ANTXR1: variants seen among roughly 807,000 people sequenced by gnomAD.
ANTXR1 encodes anthrax toxin receptor 1.
A neutral mutation model predicts 78.1 loss-of-function variants in ANTXR1; 19 were observed. The ratio of observed to expected loss-of-function variants is 0.24; its 90% CI spans 0.17 to 0.36. The LOEUF (loss-of-function observed/expected upper bound fraction) is 0.36, where lower values mean the gene tolerates loss of function less well. Ranked by LOEUF, ANTXR1 falls within the 10% of genes least tolerant of loss-of-function variation. ANTXR1 has a pLI of 1.00. For synonymous variants in ANTXR1, 273 were observed against 260.5 expected (o/e 1.05, Z -0.46); for missense variants, 518 against 718.6 (o/e 0.72, Z 3.19).
intron 10 of ANTXR1, 67 bp downstream of exon 10, chr2:69,103,007 G>C: frequency 6.8e-7 from 1 of 1,471,696 alleles, no homozygotes; most frequent in African/African-American, 1.4e-5. Flanking sequence ...TCCCACCCTT[G>C]TCTTCCAGCA....
In ANTXR1 at chr2:69,013,264, G is replaced by T; in HGVS notation, c.-236G>T. ...ACCGAGGCAGCCCTCCCCTTTAAAA[G>T]AAGCGGAGGACAGGATTGGGATCCT... On this transcript the variant is annotated 5_prime_UTR_variant, in exon 1 of 18. Coordinates refer to ENST00000303714, the MANE Select transcript of ANTXR1 (RefSeq NM_032208.3). The surrounding 1 kb of genome is among the most constrained non-coding windows in gnomAD (Gnocchi z 5.0). 1.6e-6 allele frequency: 1 copy of T among 633,974 alleles called. No individual in the cohort carries two copies. Among genetic ancestry groups the T allele is most frequent in the Non-Finnish European group, 2.7e-6 (1 of 367,160 alleles). 39.3% of individuals were successfully genotyped at this position (633,974 alleles called of 1,614,324 possible).
At chr2:69,195,695 A>G (rs1341029322) in intron 17 of ANTXR1, among the ~76,000 whole-genome samples, 1 of 152,208 alleles carries the variant, frequency 6.6e-6, no homozygotes. Flanking sequence ...TGGTCTTATA[A>G]AGTATACATT....
chr2:69,013,766 C>G lies in ANTXR1; in HGVS notation c.152+115C>G. ...GGACAGGAGCGCATCTCCAGGGCCA[C>G]AGAGGGACCGCGCGGCAGGCGGCGG... On this transcript the variant is annotated intron_variant, in intron 1 of 17. Coordinates refer to ENST00000303714, the MANE Select transcript of ANTXR1 (RefSeq NM_032208.3). This position sits in a 1 kb window ranked among gnomAD's most constrained non-coding sequence, Gnocchi z 5.0. The G allele has an allele frequency of 6.6e-7, 1 of 1,506,708 alleles. No homozygotes were observed. The highest frequency in any genetic ancestry group is 1.2e-5 in the South Asian group (1 of 82,666). The allele number at this position is 1,506,708 out of a possible 1,614,324, so 93.3% of individuals were successfully genotyped here.
chr2:69,056,575 G>C (rs1670073356), intron 3 of ANTXR1, among the ~76,000 whole-genome samples: 1 of 152,130 alleles, frequency 6.6e-6, no homozygotes, highest in Admixed American at 6.5e-5. Flanking sequence ...TTCCTCACCA[G>C]AGATAATTAT....
At chr2:69,051,557 T>C (rs1394840561) in intron 3 of ANTXR1, among the ~76,000 whole-genome samples, 2 of 152,086 alleles carry the variant, frequency 1.3e-5, no homozygotes, top group Admixed American at 6.5e-5. Flanking sequence ...ATTTCTATTT[T>C]TTAGTTTATT....
At chr2:69,029,895 T>C (rs934249544) in intron 1 of ANTXR1, among the ~76,000 whole-genome samples, 2 of 152,032 alleles carry the variant, frequency 1.3e-5, no homozygotes, top group Non-Finnish European at 2.9e-5. Context: ...TGTAGCAAAA[T>C]ATAAAACTGA....
intron 1 of ANTXR1, among the ~76,000 whole-genome samples, chr2:69,038,069 G>A (rs1669497725): frequency 6.6e-6 from 1 of 151,926 alleles, no homozygotes; most frequent in Non-Finnish European, 1.5e-5. Context: ...TTCAAGAATG[G>A]GATTAAAAAC....
chr2:69,087,026 T>G (rs1162394026), intron 8 of ANTXR1, among the ~76,000 whole-genome samples: 2 of 152,262 alleles, frequency 1.3e-5, no homozygotes, highest in African/African-American at 4.8e-5. Context: ...ATGACTGTTA[T>G]TTTATTTAAC....
chr2:69,067,139 C>T (rs1670422420), intron 3 of ANTXR1, among the ~76,000 whole-genome samples: 1 of 152,018 alleles, frequency 6.6e-6, no homozygotes, highest in Non-Finnish European at 1.5e-5. Context: ...TCAAGAAGGG[C>T]AGAGAGTAGG....
At position 69,045,059 on chromosome 2, in the gene ANTXR1, A is replaced by G. The variant is rs548603429; in HGVS notation, c.296+246A>G. Among the ~76,000 whole-genome samples, 191 of 152,326 alleles carry G rather than the reference A, an allele frequency of 1.3e-3. 1 individual carries two copies. Among genetic ancestry groups the G allele is most frequent in the African/African-American group, 4.4e-3 (184 of 41,578 alleles). On this transcript the variant is annotated intron_variant, in intron 3 of 17. Transcript: ENST00000303714. ...AAATGATGAAATTACATTAAGATAA[A>G]TCTCACATTTGATTGTTGATTCCAT...
intron 13 of ANTXR1, among the ~76,000 whole-genome samples, chr2:69,154,042 T>C (rs1008791819): frequency 1.3e-5 from 2 of 152,226 alleles, no homozygotes; most frequent in African/African-American, 4.8e-5. Flanking sequence ...TATTTAAAAG[T>C]ATTTTACTGT....
intron 17 of ANTXR1, among the ~76,000 whole-genome samples, chr2:69,239,372 C>T (rs1459136739): frequency 6.6e-6 from 1 of 152,166 alleles, no homozygotes; most frequent in Non-Finnish European, 1.5e-5. Flanking sequence ...TGTTCAAGAC[C>T]AGCCTGGCCA....
chr2:69,075,498 A>C lies in ANTXR1; in HGVS notation c.493-92A>C, dbSNP rs1017174670. On this transcript the variant is annotated intron_variant, in intron 6 of 17. Coordinates refer to ENST00000303714, the MANE Select transcript of ANTXR1 (RefSeq NM_032208.3). ...CCAGGCACATGGTAGGTGCTCATTA[A>C]ATACCTCATCATTGAAGTTAGTCAG... The C allele has an allele frequency of 4.1e-6, 5 of 1,234,296 alleles. No homozygotes were observed. The Admixed American group carries it at 8.4e-5, about 21-fold the overall frequency. The allele number at this position is 1,234,296 out of a possible 1,614,324, so 76.5% of individuals were successfully genotyped here.
intron 9 of ANTXR1, among the ~76,000 whole-genome samples, chr2:69,091,863 G>C (rs1463005589): frequency 2.6e-5 from 4 of 152,076 alleles, no homozygotes; most frequent in Admixed American, 2.6e-4. Context: ...TCAAAATCAG[G>C]GTCATGCTCG....
At chr2:69,119,811 T>C (rs187120565) in intron 10 of ANTXR1, among the ~76,000 whole-genome samples, 26 of 152,366 alleles carry the variant, frequency 1.7e-4, no homozygotes, top group Non-Finnish European at 3.1e-4. Flanking sequence ...GTGTGTAACC[T>C]TGGACAAGCT....
intron 17 of ANTXR1, among the ~76,000 whole-genome samples, chr2:69,240,072 T>C (rs1328227089): frequency 1.3e-5 from 2 of 152,338 alleles, no homozygotes; most frequent in East Asian, 1.9e-4. Context: ...AAGGAGACCA[T>C]GGGGAGGTGA....
intron 1 of ANTXR1, among the ~76,000 whole-genome samples, chr2:69,026,214 G>A (rs1292434225): frequency 6.6e-6 from 1 of 152,186 alleles, no homozygotes; most frequent in Non-Finnish European, 1.5e-5. Context: ...AAGACTTTAT[G>A]AGCATAGCGT....
At chr2:69,141,788 G>A (rs987183755) in intron 12 of ANTXR1, among the ~76,000 whole-genome samples, 1 of 152,296 alleles carries the variant, frequency 6.6e-6, no homozygotes, top group Non-Finnish European at 1.5e-5. Flanking sequence ...ATGGGCTGGT[G>A]TATGACAGTG....
intron 3 of ANTXR1, among the ~76,000 whole-genome samples, chr2:69,063,480 A>AATC (rs1423492360): frequency 1.3e-5 from 2 of 152,104 alleles, no homozygotes; most frequent in Non-Finnish European, 2.9e-5. Context: ...TGCCTAAGAG[A>AATC]ATCATCAGCA....
Sources: gnomAD v4.1 joint callset for allele counts (sites outside exome capture counted in the v4.1 genomes callset) on GRCh38, gnomAD v4.1.1 for gene constraint, Gnocchi (gnomAD v3.1) non-coding constraint, MANE v1.5 for transcripts, NCBI Gene and HGNC (gene_info 2026-07-23, HGNC 2026-07-21) for gene names.